UNC13C: variants seen among roughly 807,000 people sequenced by gnomAD.
UNC13C encodes protein unc-13 homolog C.
In UNC13C, 174 loss-of-function variants were observed where a neutral mutation model predicts 245.4. That is an observed-to-expected ratio of 0.71 (90% confidence interval 0.63 to 0.80). The LOEUF (loss-of-function observed/expected upper bound fraction) is 0.80, where lower values mean the gene tolerates loss of function less well. Among genes scored for constraint, UNC13C ranks in the 30% least tolerant of loss-of-function variants. The probability of loss-of-function intolerance (pLI) is 0.00; values close to 1 mark genes in which losing one functional copy is unlikely to be tolerated. For missense variants in UNC13C, 2,829 were observed against 2,602.9 expected (o/e 1.09, Z -1.89); for synonymous variants, 992 against 895.1 (o/e 1.11, Z -1.93).
the UNC13C span, among the ~76,000 whole-genome samples, chr15:53,960,877 A>G: frequency 1.3e-5 from 2 of 152,216 alleles, no homozygotes; most frequent in Non-Finnish European, 2.9e-5. Flanking sequence ...TCCTGATTTT[A>G]TATATCACAG....
intron 30 of UNC13C, among the ~76,000 whole-genome samples, chr15:54,610,050 C>G (rs968993486): frequency 6.6e-6 from 1 of 152,020 alleles, no homozygotes; most frequent in Non-Finnish European, 1.5e-5. Context: ...TTATGGGAAC[C>G]GCAATTCAAG....
intron 18 of UNC13C, among the ~76,000 whole-genome samples, chr15:54,397,826 C>A (rs1007649418): frequency 6.6e-6 from 1 of 151,192 alleles, no homozygotes; most frequent in African/African-American, 2.4e-5. Context: ...AAATATATAT[C>A]TTCAGCCTTT....
chr15:54,556,884 T>C (rs1418010919), intron 29 of UNC13C, among the ~76,000 whole-genome samples: 5 of 152,118 alleles, frequency 3.3e-5, no homozygotes, highest in African/African-American at 9.6e-5. Flanking sequence ...CCTGTGGAAA[T>C]AGGGAATGGT....
intron 2 of UNC13C, among the ~76,000 whole-genome samples, chr15:54,129,928 A>G (rs1483088379): frequency 9.2e-6 from 1 of 108,904 alleles, no homozygotes; most frequent in African/African-American, 3.2e-5. Flanking sequence ...TTTTTTTTTT[A>G]TCTTCTTGAG....
intron 13 of UNC13C, among the ~76,000 whole-genome samples, chr15:54,305,724 A>G (rs1232222074): frequency 1.3e-5 from 2 of 152,038 alleles, no homozygotes; most frequent in Non-Finnish European, 2.9e-5. Context: ...TTAAAAAAAC[A>G]AAATTGGAAA....
intron 1 of UNC13C, among the ~76,000 whole-genome samples, chr15:53,979,980 C>T (rs1192135391): frequency 1.3e-5 from 2 of 152,064 alleles, no homozygotes; most frequent in Non-Finnish European, 2.9e-5. Context: ...TGAGAAAGTA[C>T]TACATTTTTG....
At chr15:54,261,827 G>A (rs954373462) in intron 8 of UNC13C, among the ~76,000 whole-genome samples, 7 of 152,148 alleles carry the variant, frequency 4.6e-5, no homozygotes, top group Admixed American at 3.3e-4. Flanking sequence ...ACAGGCTTGA[G>A]CCACCGCGCC....
chr15:54,484,556 T>C (rs893945033), intron 19 of UNC13C, among the ~76,000 whole-genome samples: 1 of 152,148 alleles, frequency 6.6e-6, no homozygotes, highest in African/African-American at 2.4e-5. Context: ...AATAATACAT[T>C]TTAAATTGAT....
At chr15:54,566,597 G>C (rs12908706) in intron 29 of UNC13C, among the ~76,000 whole-genome samples, 63,599 of 149,364 alleles carry the variant, frequency 0.43, 13,508 homozygotes, top group East Asian at 0.58. Flanking sequence ...TTGTACCAGT[G>C]TTTCTTAAGT....
the UNC13C span, among the ~76,000 whole-genome samples, chr15:53,929,576 C>T: frequency 1.5e-4 from 23 of 152,152 alleles, no homozygotes; most frequent in African/African-American, 4.6e-4. Context: ...TTTTTAGGTG[C>T]GTGTGGTAGG....
chr15:54,087,711 T>G (rs1011038531), intron 2 of UNC13C, among the ~76,000 whole-genome samples: 7 of 152,184 alleles, frequency 4.6e-5, no homozygotes, highest in African/African-American at 1.7e-4. Flanking sequence ...GCCTTGTCTA[T>G]GATGCAAAAG....
At chr15:54,175,607 G>T (rs1320710355) in intron 4 of UNC13C, among the ~76,000 whole-genome samples, 1 of 149,664 alleles carries the variant, frequency 6.7e-6, no homozygotes, top group African/African-American at 2.5e-5. Context: ...CCGCCTCCCG[G>T]GTTCACGCCA....
In UNC13C at chr15:54,088,958, G is replaced by A. The variant is rs144753779; in HGVS notation, c.2984-54060G>A. 6.1e-4 allele frequency among the ~76,000 whole-genome samples: 93 copies of A among 152,250 alleles called. 3 individuals carry two copies. The South Asian group carries it at 8.5e-3, about 14-fold the overall frequency. ...GCTTTGGGGTCAGATAACTTGGCGG[G>A]GGGGAACATCCACATGAAGTTCCAG... On this transcript the variant is annotated intron_variant, in intron 2 of 32. Coordinates refer to ENST00000260323, the MANE Select transcript of UNC13C (RefSeq NM_001080534.3).
At chr15:54,096,354 T>C (rs1244908576) in intron 2 of UNC13C, among the ~76,000 whole-genome samples, 2 of 151,718 alleles carry the variant, frequency 1.3e-5, no homozygotes, top group Non-Finnish European at 2.9e-5. Context: ...AAAAAGTCTG[T>C]GATAGACCAA....
At chr15:54,347,230 G>A (rs1347097047) in intron 17 of UNC13C, among the ~76,000 whole-genome samples, 9 of 152,018 alleles carry the variant, frequency 5.9e-5, no homozygotes, top group Non-Finnish European at 8.8e-5. Flanking sequence ...ACTCAGTTCC[G>A]TGGAAACCAC....
At chr15:54,142,873 C>T (rs1008176414) in intron 2 of UNC13C, 145 bp from the exon 3 acceptor site, 10 of 677,712 alleles carry the variant, frequency 1.5e-5, no homozygotes, top group Non-Finnish European at 2.5e-5. Context: ...TATCCTTGTA[C>T]CCTTGGGCTC....
the UNC13C span, among the ~76,000 whole-genome samples, chr15:53,885,142 T>A: frequency 6.6e-6 from 1 of 152,208 alleles, no homozygotes; most frequent in African/African-American, 2.4e-5. Context: ...ACCCCCAAAG[T>A]AGGGCGCCTT....
rs377667154 is a variant in UNC13C, at chr15:54,471,892, T to C, written c.4934-22716T>C. Among the ~76,000 whole-genome samples the C allele has an allele frequency of 4.6e-5, 7 of 151,810 alleles. 1 individual carries two copies. Among genetic ancestry groups the C allele is most frequent in the East Asian group, 1.9e-4 (1 of 5,176 alleles). On this transcript the variant is annotated intron_variant, in intron 19 of 32. Coordinates refer to ENST00000260323, the MANE Select transcript of UNC13C (RefSeq NM_001080534.3). ...ATGTAGCTAGCATATAGTTGGGTCT[T>C]TTAAAAAATTAATCTATTTAGCTAC...
chr15:53,838,488 T>G, the UNC13C span, among the ~76,000 whole-genome samples: 1 of 152,070 alleles, frequency 6.6e-6, no homozygotes, highest in African/African-American at 2.4e-5. Context: ...TTCCTATGAA[T>G]AGATGTTTAA....
Sources: gnomAD v4.1 joint callset for allele counts (sites outside exome capture counted in the v4.1 genomes callset) on GRCh38, gnomAD v4.1.1 for gene constraint, MANE v1.5 for transcripts, NCBI Gene and HGNC (gene_info 2026-07-23, HGNC 2026-07-21) for gene names.